BLTP3B: variants seen among roughly 807,000 people sequenced by gnomAD.
BLTP3B encodes the protein bridge-like lipid transfer protein family member 3B, also known as UHRF1 (ICBP90) binding protein 1-like.
the BLTP3B span, among the ~76,000 whole-genome samples, chr12:100,067,729 T>TA: frequency 9.0e-4 from 135 of 149,596 alleles, 1 homozygote; most frequent in Middle Eastern, 3.4e-3. Context: ...CAGGACCAGC[T>TA]AAAAAAAAAC....
At chr12:100,129,855 T>G in the BLTP3B span, among the ~76,000 whole-genome samples, 1 of 152,344 alleles carries the variant, frequency 6.6e-6, no homozygotes, top group East Asian at 1.9e-4. Context: ...TACCCTTAAC[T>G]TCTCTGGATA....
the BLTP3B span, among the ~76,000 whole-genome samples, chr12:100,135,281 C>CTTTCTTTTTTT: frequency 2.1e-5 from 3 of 141,226 alleles, no homozygotes; most frequent in Admixed American, 1.4e-4. Flanking sequence ...TTCTTTCTTT[C>CTTTCTTTTTTT]TTTTTTTTTT....
chr12:100,085,861 TTAGCTTCATACTCTTTTCATTCC>T, the BLTP3B span, among the ~76,000 whole-genome samples: 9,519 of 152,134 alleles, frequency 0.063, 327 homozygotes, highest in Middle Eastern at 0.14. Context: ...ACTCTTATTC[TTAGCTTCATACTCTTTTCATTCC>T]TAGCTTCATA....
chr12:100,037,495 T>C, the BLTP3B span: 5 of 1,498,938 alleles, frequency 3.3e-6, no homozygotes, highest in African/African-American at 2.9e-5. Context: ...GGCTTTGAAA[T>C]AGTCACCACT....
chr12:100,114,930 T>C, the BLTP3B span, among the ~76,000 whole-genome samples: 349 of 152,328 alleles, frequency 2.3e-3, 1 homozygote, highest in African/African-American at 8.1e-3. Flanking sequence ...ACTTCATTAT[T>C]TGAGGTACTT....
the BLTP3B span, chr12:100,058,540 T>C: frequency 1.9e-4 from 300 of 1,612,886 alleles, no homozygotes; most frequent in Non-Finnish European, 2.4e-4. Context: ...TCCCTACTAA[T>C]TTGTTTTCTT....
At chr12:100,127,823 G>A in the BLTP3B span, among the ~76,000 whole-genome samples, 1 of 152,094 alleles carries the variant, frequency 6.6e-6, no homozygotes, top group Admixed American at 6.6e-5. Flanking sequence ...AGACCAGCCT[G>A]GGCAACATAG....
the BLTP3B span, chr12:100,037,734 G>A: frequency 2.5e-6 from 4 of 1,605,604 alleles, no homozygotes; most frequent in Non-Finnish European, 2.5e-6. Flanking sequence ...TCCTGTTTAA[G>A]AGATTCATTC....
the BLTP3B span, among the ~76,000 whole-genome samples, chr12:100,080,381 CT>C: frequency 1.9e-4 from 29 of 148,758 alleles, no homozygotes; most frequent in Admixed American, 1.1e-3. Flanking sequence ...GAGACAGAGT[CT>C]TGCTCTGTTG....
At chr12:100,090,930 A>G in the BLTP3B span, among the ~76,000 whole-genome samples, 89 of 152,160 alleles carry the variant, frequency 5.8e-4, no homozygotes, top group Middle Eastern at 3.4e-3. Context: ...ATCTACCTAC[A>G]AACCTTTTTC....
At chr12:100,042,863 G>T in the BLTP3B span, among the ~76,000 whole-genome samples, 1 of 152,130 alleles carries the variant, frequency 6.6e-6, no homozygotes, top group South Asian at 2.1e-4. Flanking sequence ...GCAGTGGCAC[G>T]ATCTTGGCTC....
chr12:100,075,546 C>T, the BLTP3B span, among the ~76,000 whole-genome samples: 9 of 152,152 alleles, frequency 5.9e-5, no homozygotes, highest in African/African-American at 2.2e-4. Context: ...AGTCAACAGA[C>T]ATCCTACACA....
chr12:100,078,782 T>C, the BLTP3B span, among the ~76,000 whole-genome samples: 5 of 152,164 alleles, frequency 3.3e-5, no homozygotes, highest in Non-Finnish European at 7.3e-5. Context: ...GGGGGTGATA[T>C]GGTTTGGCTG....
chr12:100,061,785 C>T, the BLTP3B span, among the ~76,000 whole-genome samples: 22 of 151,604 alleles, frequency 1.5e-4, no homozygotes, highest in Admixed American at 2.0e-4. Flanking sequence ...TCTGATATCA[C>T]GAAGGGAAAG....
the BLTP3B span, among the ~76,000 whole-genome samples, chr12:100,117,235 G>T: frequency 1.3e-5 from 2 of 152,156 alleles, no homozygotes; most frequent in African/African-American, 2.4e-5. Context: ...GTAAGAAAAT[G>T]GGGAAAAGAA....
the BLTP3B span, among the ~76,000 whole-genome samples, chr12:100,114,745 C>T: frequency 1.3e-5 from 2 of 152,184 alleles, no homozygotes; most frequent in Admixed American, 6.5e-5. Flanking sequence ...AAGTTATTAT[C>T]TGTAACTAAT....
chr12:100,076,083 A>C, the BLTP3B span, among the ~76,000 whole-genome samples: 1 of 152,108 alleles, frequency 6.6e-6, no homozygotes, highest in East Asian at 1.9e-4. Context: ...ACAAACCTGC[A>C]CATGTACCCT....
At chr12:100,087,502 C>T in the BLTP3B span, among the ~76,000 whole-genome samples, 2 of 152,100 alleles carry the variant, frequency 1.3e-5, no homozygotes, top group Admixed American at 6.6e-5. Flanking sequence ...TAATATGATA[C>T]GGTATATACA....
the BLTP3B span, among the ~76,000 whole-genome samples, chr12:100,073,005 T>C: frequency 6.6e-6 from 1 of 152,216 alleles, no homozygotes; most frequent in African/African-American, 2.4e-5. Flanking sequence ...CAGAAAACTC[T>C]ATAATCTTTT....
Sources: gnomAD v4.1 joint callset for allele counts (sites outside exome capture counted in the v4.1 genomes callset) on GRCh38, gnomAD v4.1.1 for gene constraint, MANE v1.5 for transcripts, NCBI Gene and HGNC (gene_info 2026-07-23, HGNC 2026-07-21) for gene names.